The following CNOT3 variants were observed in gnomAD, a reference collection of about 807,000 sequenced individuals.
CNOT3 encodes the protein CCR4-NOT transcription complex subunit 3, also known as CCR4-associated factor 3.
Under a neutral mutation model 89.4 loss-of-function variants are expected in CNOT3, and 2 were observed. The observed-to-expected ratio is 0.02, with a 90% CI of 0.01 to 0.07. The LOEUF (loss-of-function observed/expected upper bound fraction) is 0.07. CNOT3 is among the 10% of genes least tolerant of loss of function. CNOT3 has a pLI of 1.00. For missense variants in CNOT3, 664 were observed against 1,010.2 expected (o/e 0.66, Z 4.65); for synonymous variants, 486 against 402.0 (o/e 1.21, Z -2.50).
At chr19:54,153,318 C>T in intron 16 of CNOT3, 5 of 762,328 alleles carry the variant, frequency 6.6e-6, no homozygotes, top group Non-Finnish European at 4.8e-6. Flanking sequence ...CTAGGCCGAC[C>T]CCACTCTGCT....
chr19:54,153,025 T>C (rs2146772593), intron 16 of CNOT3, 26 bp downstream of exon 16: 1 of 1,590,474 alleles, frequency 6.3e-7, no homozygotes, highest in Non-Finnish European at 8.6e-7. Flanking sequence ...CGGGGCAGCC[T>C]CGGGCCCCCC....
At chr19:54,149,513 C>A (rs1311512993) in intron 12 of CNOT3, 47 bp from the exon 13 acceptor site, 21 of 1,308,708 alleles carry the variant, frequency 1.6e-5, no homozygotes, top group Non-Finnish European at 2.1e-5. Flanking sequence ...CCCATCCCAC[C>A]CTCAGGGACC....
chr19:54,138,761 G>A (rs2074328351), intron 1 of CNOT3, among the ~76,000 whole-genome samples: 1 of 152,232 alleles, frequency 6.6e-6, no homozygotes, highest in African/African-American at 2.4e-5. Flanking sequence ...ATAGCGAGTA[G>A]CGCCCTGGGT....
Position 54,144,110 on chromosome 19 carries a change from G to A in CNOT3, c.363G>A (p.Lys121=). ...AQKVDPAQKE[K]EEVGQWLTNT... Reference sequence around the variant, plus strand: ...AGGTAGATCCTGCCCAGAAGGAGAAGGAAGAGGTTGGCCAGTGGCTCACGG... The same window carrying A: ...AGGTAGATCCTGCCCAGAAGGAGAAAGAAGAGGTTGGCCAGTGGCTCACGG... Residue 121 remains lysine (K), a synonymous_variant, in exon 6 of 18, where the codon AAG becomes AAA. Coordinates refer to ENST00000221232, the MANE Select transcript of CNOT3 (RefSeq NM_014516.4). This position sits in a 1 kb window ranked among gnomAD's most constrained non-coding sequence, Gnocchi z 4.8. The A allele has an allele frequency of 1.2e-6, 2 of 1,605,982 alleles. No homozygotes were observed. The highest frequency in any genetic ancestry group is 1.7e-6 in the Non-Finnish European group (2 of 1,176,736).
At chr19:54,151,843 C>T (rs1337019357) in intron 13 of CNOT3, among the ~76,000 whole-genome samples, 1 of 152,218 alleles carries the variant, frequency 6.6e-6, no homozygotes, top group East Asian at 1.9e-4. Context: ...CGGGAGCTCT[C>T]CCAGCGTGTA....
intron 13 of CNOT3, among the ~76,000 whole-genome samples, chr19:54,151,243 T>C (rs73062673): frequency 0.1 from 15,459 of 152,100 alleles, 897 homozygotes; most frequent in South Asian, 0.22. Flanking sequence ...TCGGGAACCA[T>C]GGCAAGGTTT....
At chr19:54,142,559 G>T in intron 1 of CNOT3, 1 of 316,424 alleles carries the variant, frequency 3.2e-6, no homozygotes, top group South Asian at 3.3e-5. Flanking sequence ...GTGATCTCCA[G>T]GGCTAATGCC....
chr19:54,143,906 A>T (rs745662234), intron 5 of CNOT3, 100 bp from the exon 6 acceptor site: 4 of 1,534,474 alleles, frequency 2.6e-6, no homozygotes, highest in Non-Finnish European at 3.5e-6. Context: ...CTCAGAGCTC[A>T]GAAAGTAGGG....
chr19:54,138,490 C>T (rs2074311959), intron 1 of CNOT3, among the ~76,000 whole-genome samples: 2 of 152,146 alleles, frequency 1.3e-5, no homozygotes, highest in Non-Finnish European at 2.9e-5. Context: ...GGGGCTTCTC[C>T]CTCGACGGTG....
chr19:54,144,836 T>A lies in CNOT3; in HGVS notation c.483+504T>A, dbSNP rs2074593582. Among the ~76,000 whole-genome samples the A allele has an allele frequency of 6.6e-6, 1 of 151,710 alleles. No homozygotes were observed. Among genetic ancestry groups the A allele is most frequent in the Non-Finnish European group, 1.5e-5 (1 of 67,922 alleles). ...AAAATCCGGGATTGTGGGGTATGAG[T>A]TCAAAGGGATACAAACTGTACAGAC... On this transcript the variant is annotated intron_variant, in intron 7 of 17. Coordinates refer to ENST00000221232, the MANE Select transcript of CNOT3 (RefSeq NM_014516.4). The surrounding 1 kb of genome is among the most constrained non-coding windows in gnomAD (Gnocchi z 4.8).
At chr19:54,140,695 G>T (rs1482401501) in intron 1 of CNOT3, among the ~76,000 whole-genome samples, 4 of 152,130 alleles carry the variant, frequency 2.6e-5, no homozygotes, top group African/African-American at 9.7e-5. Flanking sequence ...CTCCTCACTG[G>T]GTCTCAGCTG....
intron 1 of CNOT3, among the ~76,000 whole-genome samples, chr19:54,140,850 C>T (rs966458950): frequency 6.6e-6 from 1 of 152,184 alleles, no homozygotes; most frequent in African/African-American, 2.4e-5. Flanking sequence ...GGGTATTCTT[C>T]CTCTGCACTA....
In CNOT3 at chr19:54,145,777, G is replaced by A; in HGVS notation, c.663G>A (p.Glu221=). The change falls in exon 8 of 18, where the codon GAG becomes GAA. Residue 221 remains glutamate, a synonymous_variant. Coordinates refer to ENST00000221232, the MANE Select transcript of CNOT3 (RefSeq NM_014516.4). This position sits in a 1 kb window ranked among gnomAD's most constrained non-coding sequence, Gnocchi z 5.9. ...CATCCCAGGACCCCGACTTCGAGGA[G>A]AACGAGTTTCTCTACGATGACCTGG... is the stretch of plus-strand genomic sequence containing the variant. ...VDSSQDPDFE[E]NEFLYDDLDL... 1 of 1,613,770 alleles carries A rather than the reference G, an allele frequency of 6.2e-7. No homozygotes were observed. The highest frequency in any genetic ancestry group is 8.5e-7 in the Non-Finnish European group (1 of 1,179,672).
Position 54,148,419 on chromosome 19 carries a change from G to C in CNOT3, c.1166G>C (p.Arg389Pro). The change falls in exon 11 of 18, where the codon CGG becomes CCG. Residue 389 changes from arginine (R) to proline (P), a missense_variant. By Grantham distance (103) the Arg-to-Pro change is moderately radical. Transcript: ENST00000221232. This position sits in a 1 kb window ranked among gnomAD's most constrained non-coding sequence, Gnocchi z 6.3. ...AGTGGGCCCAGCACGACCCAGCCCCGGCCCCCCAGCGTCCAGCCTAGCGGA... is the reference window on the plus strand; with the variant it reads ...AGTGGGCCCAGCACGACCCAGCCCCCGCCCCCCAGCGTCCAGCCTAGCGGA... ...APSGPSTTQP[R>P]PPSVQPSGGG... The C allele has an allele frequency of 6.4e-7, 1 of 1,563,638 alleles. No homozygotes were observed. Among genetic ancestry groups the C allele is most frequent in the East Asian group, 2.3e-5 (1 of 44,320 alleles).
chr19:54,149,959 C>T (rs1243268767), intron 13 of CNOT3, among the ~76,000 whole-genome samples: 2 of 152,140 alleles, frequency 1.3e-5, no homozygotes, highest in Middle Eastern at 3.2e-3. Context: ...TCTCATACCT[C>T]CTCTCTTGTT....
Position 54,145,215 on chromosome 19 carries a change from G to A in CNOT3, c.484-383G>A, listed in dbSNP as rs138675746. ...ATCATTGTTACTGCTGGAGCAGGTCGGAGGGTATCTGTATGCCAGAGGCAG... is the reference window on the plus strand; with the variant it reads ...ATCATTGTTACTGCTGGAGCAGGTCAGAGGGTATCTGTATGCCAGAGGCAG... On this transcript the variant is annotated intron_variant, in intron 7 of 17. Transcript: ENST00000221232. The surrounding 1 kb of genome is among the most constrained non-coding windows in gnomAD (Gnocchi z 5.9). Among the ~76,000 whole-genome samples, 21 of 152,258 alleles carry A rather than the reference G, an allele frequency of 1.4e-4. No individual in the cohort carries two copies. In the East Asian group the frequency reaches 3.3e-3, roughly 24 times the overall value.
intron 13 of CNOT3, 100 bp downstream of exon 13, chr19:54,149,858 A>T: frequency 8.6e-7 from 1 of 1,168,018 alleles, no homozygotes; most frequent in Non-Finnish European, 1.1e-6. Context: ...CTCTTTCTGG[A>T]TCTCTCTCTG....
Position 54,144,296 on chromosome 19 carries a change from G to A in CNOT3, c.447G>A (p.Leu149=), listed in dbSNP as rs746456215. The change falls in exon 7 of 18, where the codon CTG becomes CTA. Residue 149 remains leucine (L), a synonymous_variant. Transcript: ENST00000221232. The surrounding 1 kb of genome is among the most constrained non-coding windows in gnomAD (Gnocchi z 4.8). The part of the protein sequence containing the change: ...VDQFESEVES[L]SVQTRKKKGD... Reference sequence around the variant, plus strand: ...AGTTTGAGAGTGAAGTGGAGTCACTGTCAGTGCAGACACGCAAGAAGAAGG... The same window carrying A: ...AGTTTGAGAGTGAAGTGGAGTCACTATCAGTGCAGACACGCAAGAAGAAGG... 5 of 1,613,886 alleles carry A rather than the reference G, an allele frequency of 3.1e-6. No homozygotes were observed. Among genetic ancestry groups the A allele is most frequent in the South Asian group, 1.1e-5 (1 of 91,092 alleles).
At position 54,145,723 on chromosome 19, in the gene CNOT3, C is replaced by T; in HGVS notation, c.609C>T (p.Ile203=). ...DSILVDAIRK[I]KDDVEYYVDS... is the part of the protein sequence containing the mutation. ...TCCTCGTTGACGCCATCCGCAAGAT[C>T]AAGGACGACGTTGAGTACTATGTTG... Residue 203 remains isoleucine (I), a synonymous_variant, in exon 8 of 18, where the codon ATC becomes ATT. Coordinates refer to ENST00000221232, the MANE Select transcript of CNOT3 (RefSeq NM_014516.4). The surrounding 1 kb of genome is among the most constrained non-coding windows in gnomAD (Gnocchi z 5.9). 6.2e-7 allele frequency: 1 copy of T among 1,613,182 alleles called. No individual in the cohort carries two copies. The highest frequency in any genetic ancestry group is 8.5e-7 in the Non-Finnish European group (1 of 1,179,096).
Sources: gnomAD v4.1 joint callset for allele counts (sites outside exome capture counted in the v4.1 genomes callset) on GRCh38, gnomAD v4.1.1 for gene constraint, Gnocchi (gnomAD v3.1) non-coding constraint, MANE v1.5 for transcripts, NCBI Gene and HGNC (gene_info 2026-07-23, HGNC 2026-07-21) for gene names.